Variants in CAMK1D observed in about 807,000 individuals in gnomAD.
CAMK1D encodes calcium/calmodulin dependent protein kinase ID.
CAMK1D carries 9 observed loss-of-function variants against 47.7 expected under a neutral mutation model. The ratio of observed to expected loss-of-function variants is 0.19; its 90% CI spans 0.11 to 0.33. The LOEUF (loss-of-function observed/expected upper bound fraction) is 0.33, where lower values mean the gene tolerates loss of function less well. Among genes scored for constraint, CAMK1D ranks in the 10% least tolerant of loss-of-function variants. The probability of loss-of-function intolerance (pLI) is 1.00; values close to 1 mark genes in which losing one functional copy is unlikely to be tolerated. For missense variants in CAMK1D, 291 were observed against 488.7 expected (o/e 0.60, Z 3.81); for synonymous variants, 184 against 184.9 (o/e 0.99, Z 0.04).
At chr10:12,512,876 A>G (rs960114194) in intron 1 of CAMK1D, among the ~76,000 whole-genome samples, 3 of 152,176 alleles carry the variant, frequency 2.0e-5, no homozygotes, top group Non-Finnish European at 4.4e-5. Flanking sequence ...ACATGGGGCT[A>G]ATATTGACAG....
intron 3 of CAMK1D, among the ~76,000 whole-genome samples, chr10:12,745,485 T>G (rs1354152907): frequency 6.6e-6 from 1 of 152,274 alleles, no homozygotes; most frequent in Non-Finnish European, 1.5e-5. Context: ...ATTCTGGTAG[T>G]GCTGAAGAAA....
At chr10:12,581,935 T>A (rs992018176) in intron 2 of CAMK1D, among the ~76,000 whole-genome samples, 5 of 152,210 alleles carry the variant, frequency 3.3e-5, no homozygotes, top group Non-Finnish European at 7.3e-5. Flanking sequence ...GCATTTGCTT[T>A]TGGGTTCTTG....
At chr10:12,565,545 C>T (rs935790656) in intron 2 of CAMK1D, among the ~76,000 whole-genome samples, 8 of 152,192 alleles carry the variant, frequency 5.3e-5, no homozygotes, top group East Asian at 3.9e-4. Flanking sequence ...TGAGCTGCCG[C>T]GCCTGGCGAC....
At chr10:12,552,386 G>A (rs1169369099) in intron 1 of CAMK1D, among the ~76,000 whole-genome samples, 1 of 152,196 alleles carries the variant, frequency 6.6e-6, no homozygotes, top group African/African-American at 2.4e-5. Flanking sequence ...CCCTGTGTCT[G>A]TACCACCTGC....
chr10:12,680,777 A>G (rs569108420), intron 3 of CAMK1D, among the ~76,000 whole-genome samples: 4 of 151,796 alleles, frequency 2.6e-5, no homozygotes, highest in African/African-American at 4.8e-5. Context: ...TTAATTTTAC[A>G]TCCTAAATCC....
intron 1 of CAMK1D, among the ~76,000 whole-genome samples, chr10:12,358,887 T>G (rs1217031196): frequency 6.6e-6 from 1 of 152,178 alleles, no homozygotes; most frequent in African/African-American, 2.4e-5. Flanking sequence ...TGGGGCAGGT[T>G]CCATTGGGGA....
At chr10:12,427,700 G>GTT (rs768000055) in intron 1 of CAMK1D, among the ~76,000 whole-genome samples, 937 of 30,982 alleles carry the variant, frequency 0.03, 219 homozygotes, top group Middle Eastern at 0.077. Flanking sequence ...TGAACTTACT[G>GTT]TTTTTTTTTT....
At chr10:12,496,495 GC>G (rs1346478598) in intron 1 of CAMK1D, among the ~76,000 whole-genome samples, 1 of 152,114 alleles carries the variant, frequency 6.6e-6, no homozygotes, top group East Asian at 1.9e-4. Flanking sequence ...AGAAGAAGGG[GC>G]CCAGAGCTGA....
At chr10:12,430,218 C>A (rs1840396270) in intron 1 of CAMK1D, among the ~76,000 whole-genome samples, 1 of 152,116 alleles carries the variant, frequency 6.6e-6, no homozygotes, top group Non-Finnish European at 1.5e-5. Context: ...GGGACCAAGC[C>A]CCTGTTGACC....
At chr10:12,650,573 G>A (rs138116856) in intron 2 of CAMK1D, among the ~76,000 whole-genome samples, 22 of 152,190 alleles carry the variant, frequency 1.4e-4, no homozygotes, top group Admixed American at 3.9e-4. Flanking sequence ...TGCACACAAC[G>A]TGCCGCAATG....
At chr10:12,717,590 T>TA (rs201647505) in intron 3 of CAMK1D, among the ~76,000 whole-genome samples, 169 of 142,834 alleles carry the variant, frequency 1.2e-3, no homozygotes, top group East Asian at 3.0e-3. Context: ...TCTACAAAAG[T>TA]AAAAAAAAAA....
chr10:12,831,804 T>C lies in CAMK1D; in HGVS notation c.*2917T>C, dbSNP rs1457103692. 1 of 152,236 alleles carries C rather than the reference T, an allele frequency of 6.6e-6. No individual in the cohort carries two copies. The highest frequency in any genetic ancestry group is 2.4e-5 in the African/African-American group (1 of 41,466). 9.4% of individuals were successfully genotyped at this position (152,236 alleles called of 1,614,324 possible). On this transcript the variant is annotated 3_prime_UTR_variant, in exon 11 of 11. Coordinates refer to ENST00000619168, the MANE Select transcript of CAMK1D (RefSeq NM_153498.4). ...GAGAAAGAGAGGCGCTCTTGTGCTT[T>C]TGAGAGAGCTCTCATGTTAAAAAGA...
Position 12,460,719 on chromosome 10 carries a change from C to T in CAMK1D, c.93-92506C>T, listed in dbSNP as rs74747935. ...CTGGGATTACAGGTGTGAGACACTG[C>T]GCCCAACCCTATTTTATTTTTAATT... On this transcript the variant is annotated intron_variant, in intron 1 of 10. Transcript: ENST00000619168. Among the ~76,000 whole-genome samples, 625 of 152,198 alleles carry T rather than the reference C, an allele frequency of 4.1e-3. 22 individuals carry two copies. In the East Asian group the frequency reaches 0.047, roughly 11 times the overall value.
intron 3 of CAMK1D, among the ~76,000 whole-genome samples, chr10:12,718,000 C>T (rs1300159997): frequency 6.6e-6 from 1 of 151,606 alleles, no homozygotes; most frequent in East Asian, 1.9e-4. Context: ...TCATTATAGA[C>T]CTGAAAGGGC....
intron 2 of CAMK1D, among the ~76,000 whole-genome samples, chr10:12,571,679 G>A (rs1032618810): frequency 6.6e-6 from 1 of 152,010 alleles, no homozygotes; most frequent in African/African-American, 2.4e-5. Context: ...TTGTAACACT[G>A]TCCTCATATC....
At chr10:12,366,255 G>A (rs1033811990) in intron 1 of CAMK1D, among the ~76,000 whole-genome samples, 3 of 152,068 alleles carry the variant, frequency 2.0e-5, no homozygotes, top group Admixed American at 6.6e-5. Context: ...TTTCATTTTC[G>A]GTTTTTAAGT....
At chr10:12,408,155 G>A (rs143324033) in intron 1 of CAMK1D, among the ~76,000 whole-genome samples, 1,852 of 150,800 alleles carry the variant, frequency 0.012, 35 homozygotes, top group African/African-American at 0.042. Flanking sequence ...ACCGCGCCTG[G>A]CCTCTTTCAT....
At chr10:12,403,938 A>G (rs932858560) in intron 1 of CAMK1D, among the ~76,000 whole-genome samples, 3 of 151,506 alleles carry the variant, frequency 2.0e-5, no homozygotes, top group Non-Finnish European at 4.4e-5. Context: ...ATCTTGTGGC[A>G]GGTGGTAGTA....
intron 1 of CAMK1D, among the ~76,000 whole-genome samples, chr10:12,380,595 T>C (rs4747980): frequency 0.13 from 19,464 of 152,178 alleles, 1,568 homozygotes; most frequent in Admixed American, 0.24. Context: ...CAGTGGCTCA[T>C]GCCTGTAATC....
Sources: gnomAD v4.1 joint callset for allele counts (sites outside exome capture counted in the v4.1 genomes callset) on GRCh38, gnomAD v4.1.1 for gene constraint, MANE v1.5 for transcripts, NCBI Gene and HGNC (gene_info 2026-07-23, HGNC 2026-07-21) for gene names.